Variants in MYO9B observed in about 807,000 individuals in gnomAD.
MYO9B encodes myosin IXB, also known as unconventional myosin-IXb.
MYO9B carries 71 observed loss-of-function variants against 229.5 expected under a neutral mutation model. The observed-to-expected ratio is 0.31, with a 90% CI of 0.26 to 0.38. The LOEUF (loss-of-function observed/expected upper bound fraction) is 0.38, where lower values mean the gene tolerates loss of function less well. Among genes scored for constraint, MYO9B ranks in the 10% least tolerant of loss-of-function variants. MYO9B has a pLI of 1.00. For missense variants in MYO9B, 2,255 were observed against 2,920.5 expected (o/e 0.77, Z 5.25); for synonymous variants, 1,185 against 1,235.8 (o/e 0.96, Z 0.86).
chr19:17,211,760 G>T lies in MYO9B; in HGVS notation c.6044G>T (p.Arg2015Leu), dbSNP rs930644226. 1.9e-6 allele frequency: 3 copies of T among 1,612,910 alleles called. No homozygotes were observed. The highest frequency in any genetic ancestry group is 2.2e-5 in the South Asian group (2 of 91,034). Residue 2015 changes from arginine (R) to leucine (L), a missense_variant, in exon 39 of 40, where the codon CGG becomes CTG. Physicochemically the swap from Arg to Leu is moderately radical, Grantham distance 102 (BLOSUM62 -2). Transcript: ENST00000682292. ...TESLLEERAGRGASEGPPAPA... is the reference protein window; with the variant it reads ...TESLLEERAGLGASEGPPAPA... ...AGCCTGCTGGAGGAGCGGGCCGGGC[G>T]GGGGGCCTCGGAAGGTCAGTATTAA...
At position 17,185,908 on chromosome 19, in the gene MYO9B, T is replaced by C. The variant is rs770210111; in HGVS notation, c.2497-13T>C. On this transcript the variant is annotated splice_polypyrimidine_tract_variant and intron_variant, in intron 17 of 39. Transcript: ENST00000682292. ...CCTGATTCAACCCAAATGCTTTCTC[T>C]TTCCCTTAACAGACATCCCTTAACA... The C allele has an allele frequency of 2.5e-6, 4 of 1,612,332 alleles. No homozygotes were observed. The Admixed American group carries it at 6.7e-5, about 27-fold the overall frequency.
At chr19:17,133,690 G>A (rs549990622) in intron 2 of MYO9B, among the ~76,000 whole-genome samples, 4 of 152,022 alleles carry the variant, frequency 2.6e-5, no homozygotes, top group African/African-American at 4.8e-5. Context: ...GGCCTCAAGC[G>A]ATCCTCCCAT....
Position 17,210,856 on chromosome 19 carries a change from G to T in MYO9B, c.5930+8G>T. 1 of 1,593,768 alleles carries T rather than the reference G, an allele frequency of 6.3e-7. No homozygotes were observed. Among genetic ancestry groups the T allele is most frequent in the Non-Finnish European group, 8.5e-7 (1 of 1,170,982 alleles). On this transcript the variant is annotated splice_region_variant and intron_variant, in intron 38 of 39. Transcript: ENST00000682292. ...GTCCATCAAGGAGGAGAAGCAAGTG[G>T]CTCAGTCCCCTCCCTCAGTCCTTCA...
chr19:17,107,915 G>A (rs920888925), intron 2 of MYO9B, among the ~76,000 whole-genome samples: 17 of 152,146 alleles, frequency 1.1e-4, no homozygotes, highest in Non-Finnish European at 1.5e-4. Flanking sequence ...GGGGCGGGGG[G>A]CTCAAGTCAG....
In MYO9B at chr19:17,209,676, C is replaced by T. The variant is rs974308547; in HGVS notation, c.5715C>T (p.Ala1905=). Residue 1905 remains alanine (A), a synonymous_variant, in exon 36 of 40, where the codon GCC becomes GCT. Coordinates refer to ENST00000682292, the MANE Select transcript of MYO9B (RefSeq NM_004145.4). The part of the protein sequence containing the change: ...ISQLEAAESI[A]FRRLSLLRQN... ...AACTGGAGGCTGCAGAGAGTATCGC[C>T]TTCCGCAGGCTTTCGCTCCTGCGAC... 3 of 1,613,284 alleles carry T rather than the reference C, an allele frequency of 1.9e-6. No homozygotes were observed. In the Admixed American group the frequency reaches 5.0e-5, roughly 27 times the overall value.
At chr19:17,175,809 A>G in intron 14 of MYO9B, 68 bp downstream of exon 14, 1 of 965,272 alleles carries the variant, frequency 1.0e-6, no homozygotes, top group Non-Finnish European at 1.5e-6. Flanking sequence ...CAAACAACTT[A>G]GGGAATGCTA....
chr19:17,104,871 G>T (rs1432779984), intron 2 of MYO9B, among the ~76,000 whole-genome samples: 1 of 152,136 alleles, frequency 6.6e-6, no homozygotes. Flanking sequence ...CATTCGTGTG[G>T]TGTGTTGGTT....
intron 19 of MYO9B, 126 bp downstream of exon 19, chr19:17,188,171 G>T: frequency 1.3e-6 from 1 of 748,750 alleles, no homozygotes. Context: ...GCTCACGCCT[G>T]TAATCCCAGC....
intron 30 of MYO9B, among the ~76,000 whole-genome samples, chr19:17,204,921 G>A (rs6512175): frequency 0.39 from 59,748 of 151,936 alleles, 12,628 homozygotes; most frequent in East Asian, 0.76. Flanking sequence ...GGAGGCCGAG[G>A]TGGGCAGATC....
chr19:17,191,063 C>A, intron 19 of MYO9B, 34 bp from the exon 20 acceptor site: 1 of 1,604,772 alleles, frequency 6.2e-7, no homozygotes. Flanking sequence ...AGAACACTCA[C>A]CTAGATTTTC....
chr19:17,137,676 A>G lies in MYO9B; in HGVS notation c.841-7721A>G, dbSNP rs117066407. 8.5e-4 allele frequency among the ~76,000 whole-genome samples: 130 copies of G among 152,302 alleles called. No homozygotes were observed. The Middle Eastern group carries it at 0.01, about 12-fold the overall frequency. On this transcript the variant is annotated intron_variant, in intron 2 of 39. Coordinates refer to ENST00000682292, the MANE Select transcript of MYO9B (RefSeq NM_004145.4). ...AGCCACAGCAACTGTCCGGGCTTCAAGCTCTGCCCGAGGCTTTGCAGCTGA... is the reference window on the plus strand; with the variant it reads ...AGCCACAGCAACTGTCCGGGCTTCAGGCTCTGCCCGAGGCTTTGCAGCTGA...
At chr19:17,167,248 G>A (rs556829193) in intron 10 of MYO9B, among the ~76,000 whole-genome samples, 2 of 149,866 alleles carry the variant, frequency 1.3e-5, no homozygotes, top group East Asian at 1.9e-4. Flanking sequence ...GCCCGGGCTG[G>A]TCTCAAACTC....
chr19:17,104,618 G>A (rs928970232), intron 2 of MYO9B, among the ~76,000 whole-genome samples: 1 of 151,950 alleles, frequency 6.6e-6, no homozygotes, highest in Non-Finnish European at 1.5e-5. Context: ...AGAGATGGGG[G>A]TCTCACTGTA....
intron 4 of MYO9B, 61 bp from the exon 5 acceptor site, chr19:17,153,906 G>T (rs1238353257): frequency 3.1e-5 from 39 of 1,250,016 alleles, no homozygotes; most frequent in Admixed American, 1.3e-4. Context: ...GTAGTGGTTC[G>T]CAGAGTAGCT....
intron 28 of MYO9B, 115 bp from the exon 29 acceptor site, chr19:17,202,727 C>A: frequency 1.9e-6 from 2 of 1,061,192 alleles, no homozygotes; most frequent in South Asian, 1.5e-5. Context: ...AATGATGCCA[C>A]TCCAGGTGAG....
intron 1 of MYO9B, among the ~76,000 whole-genome samples, chr19:17,079,069 C>A (rs1039574616): frequency 3.3e-5 from 5 of 152,210 alleles, no homozygotes; most frequent in Non-Finnish European, 5.9e-5. Flanking sequence ...TCCATCCCCT[C>A]CAAGGGGTAA....
At chr19:17,106,297 A>G (rs1242519140) in intron 2 of MYO9B, among the ~76,000 whole-genome samples, 1 of 151,978 alleles carries the variant, frequency 6.6e-6, no homozygotes, top group African/African-American at 2.4e-5. Context: ...ATATACCCAG[A>G]CCGCCCGTTC....
At chr19:17,077,546 G>A (rs1449923212) in intron 1 of MYO9B, among the ~76,000 whole-genome samples, 1 of 152,206 alleles carries the variant, frequency 6.6e-6, no homozygotes, top group Non-Finnish European at 1.5e-5. Flanking sequence ...CCTGCCGCTA[G>A]AGAATGGCCA....
At chr19:17,174,870 G>T (rs2072766541) in intron 13 of MYO9B, among the ~76,000 whole-genome samples, 1 of 151,824 alleles carries the variant, frequency 6.6e-6, no homozygotes, top group East Asian at 1.9e-4. Flanking sequence ...GGAGGCAGAG[G>T]TTGCAGTGAG....
Sources: allele counts gnomAD v4.1 joint callset (sites outside exome capture counted in the v4.1 genomes callset), GRCh38; gene constraint gnomAD v4.1.1; transcripts MANE v1.5; gene names NCBI Gene and HGNC (gene_info 2026-07-23, HGNC 2026-07-21).